Variants in PHKA2 observed in about 807,000 individuals in gnomAD.
PHKA2 encodes the protein phosphorylase b kinase regulatory subunit alpha, liver isoform.
PHKA2 carries 31 observed loss-of-function variants against 102.0 expected under a neutral mutation model. That is an observed-to-expected ratio of 0.30 (90% CI 0.23 to 0.41). PHKA2 has a LOEUF of 0.41. Among genes scored for constraint, PHKA2 ranks in the 10% least tolerant of loss-of-function variants. PHKA2 has a pLI of 1.00. For missense variants in PHKA2, 858 were observed against 1,023.1 expected (o/e 0.84, Z 2.20); for synonymous variants, 455 against 416.2 (o/e 1.09, Z -1.13).
At chrX:18,924,175 CT>C (rs2048172239) in intron 16 of PHKA2, 41 bp from the exon 17 acceptor site, 34 of 1,059,222 alleles carry the variant, frequency 3.2e-5, no homozygotes, top group Non-Finnish European at 4.4e-5. Flanking sequence ...TCTGGGCAGA[CT>C]TTTTTTCCGT....
At chrX:18,922,012 T>C (rs1280333998) in intron 17 of PHKA2, among the ~76,000 whole-genome samples, 1 of 112,431 alleles carries the variant, frequency 8.9e-6, no homozygotes, top group Non-Finnish European at 1.9e-5. Context: ...TTTGGGAGGC[T>C]GAGGCAGGTG....
intron 5 of PHKA2, among the ~76,000 whole-genome samples, chrX:18,948,073 G>A (rs1171382428): frequency 1.8e-5 from 2 of 111,489 alleles, no homozygotes; most frequent in Non-Finnish European, 3.8e-5. Context: ...GGTGATGGGT[G>A]CACCAAAATC....
At chrX:18,943,120 G>C (rs911949642) in intron 7 of PHKA2, among the ~76,000 whole-genome samples, 1 of 111,545 alleles carries the variant, frequency 9.0e-6, no homozygotes, top group Non-Finnish European at 1.9e-5. Flanking sequence ...CAACGTACTT[G>C]GCACACAGCG....
intron 23 of PHKA2, 27 bp from the exon 24 acceptor site, chrX:18,906,841 G>A: frequency 1.7e-6 from 2 of 1,151,562 alleles, no homozygotes; most frequent in Admixed American, 2.2e-5. Context: ...TGTCACGAAT[G>A]TGATGAGGTG....
In PHKA2 at chrX:18,894,411, A is replaced by C. The variant is rs1389288272; in HGVS notation, c.3337-7T>G. 8.3e-7 allele frequency: 1 copy of C among 1,203,090 alleles called. No individual in the cohort carries two copies. The highest frequency in any genetic ancestry group is 1.7e-5 in the African/African-American group (1 of 57,794). ...TGATCTCATGCGGGGTCATCTACCAAAGGGACAGGCAGGCAACCACCAGTG... is the reference window on the plus strand; with the variant it reads ...TGATCTCATGCGGGGTCATCTACCACAGGGACAGGCAGGCAACCACCAGTG... On this transcript the variant is annotated splice_region_variant and splice_polypyrimidine_tract_variant and intron_variant, in intron 31 of 32. Coordinates refer to ENST00000379942, the MANE Select transcript of PHKA2 (RefSeq NM_000292.3).
At chrX:18,923,885 G>A (rs2048166424) in intron 17 of PHKA2, among the ~76,000 whole-genome samples, 171 bp downstream of exon 17, 2 of 111,912 alleles carry the variant, frequency 1.8e-5, no homozygotes, top group South Asian at 3.7e-4. Flanking sequence ...TTTCAGAGAT[G>A]AGCCAAGTTT....
At chrX:18,928,623 G>C (rs113681501) in intron 13 of PHKA2, among the ~76,000 whole-genome samples, 1 of 112,100 alleles carries the variant, frequency 8.9e-6, no homozygotes, top group Non-Finnish European at 1.9e-5. Flanking sequence ...GCTCCACCCG[G>C]GTGCACACCA....
intron 19 of PHKA2, among the ~76,000 whole-genome samples, chrX:18,912,282 T>C (rs2047939670): frequency 8.9e-6 from 1 of 111,911 alleles, no homozygotes; most frequent in Non-Finnish European, 1.9e-5. Flanking sequence ...TTAGGCAAAT[T>C]CCTCACTGCA....
intron 1 of PHKA2, among the ~76,000 whole-genome samples, chrX:18,958,775 T>C (rs1376248028): frequency 1.8e-5 from 2 of 110,249 alleles, no homozygotes; most frequent in Non-Finnish European, 3.8e-5. Flanking sequence ...AGTGGTGCAA[T>C]CTCGGCTCAC....
At chrX:18,914,502 C>T (rs978851018) in intron 19 of PHKA2, among the ~76,000 whole-genome samples, 5 of 111,534 alleles carry the variant, frequency 4.5e-5, no homozygotes, top group African/African-American at 1.3e-4. Context: ...CTATGTGCTT[C>T]TGGAACTGGG....
chrX:18,982,789 G>A (rs755807840), intron 1 of PHKA2, among the ~76,000 whole-genome samples: 5 of 111,883 alleles, frequency 4.5e-5, no homozygotes, highest in African/African-American at 1.6e-4. Flanking sequence ...AGCCGAGATC[G>A]CGCCACTGCA....
At chrX:18,919,746 AAGAG>A (rs58839160) in intron 18 of PHKA2, among the ~76,000 whole-genome samples, 52 of 103,245 alleles carry the variant, frequency 5.0e-4, no homozygotes, top group Non-Finnish European at 6.0e-4. Context: ...AAAAAAAAAA[AAGAG>A]AGAGAGAGAA....
In PHKA2 at chrX:18,941,514, A is replaced by G; in HGVS notation, c.864+15T>C. 1.7e-6 allele frequency: 2 copies of G among 1,205,093 alleles called. No homozygotes were observed. The highest frequency in any genetic ancestry group is 3.0e-5 in the East Asian group (1 of 33,857). Reference sequence around the variant, plus strand: ...TCACACAGGACAGAAGGGCACCAGCATGACTAATGCTTACCTGGAGCTTAG... The same window carrying G: ...TCACACAGGACAGAAGGGCACCAGCGTGACTAATGCTTACCTGGAGCTTAG... On this transcript the variant is annotated intron_variant, in intron 8 of 32. Transcript: ENST00000379942.
intron 17 of PHKA2, among the ~76,000 whole-genome samples, chrX:18,923,572 G>A (rs1002350512): frequency 9.0e-5 from 10 of 111,520 alleles, no homozygotes; most frequent in Non-Finnish European, 1.7e-4. Context: ...AGAAGGTGAG[G>A]GGCCAGTGAC....
At position 18,894,854 on chromosome X, in the gene PHKA2, T is replaced by C. The variant is rs758231716; in HGVS notation, c.3336+284A>G. ...GGGGCAGGCCAGGGTGGCATGGAGA[T>C]TGGCTCCTTTCTTTCACCAGGGTTC... On this transcript the variant is annotated intron_variant, in intron 31 of 32. Transcript: ENST00000379942. The C allele has an allele frequency of 7.2e-6, 3 of 416,851 alleles. No individual in the cohort carries two copies. The African/African-American group carries it at 7.4e-5, about 10-fold the overall frequency. The allele number at this position is 416,851 out of a possible 1,213,427, so 34.4% of individuals were successfully genotyped here.
Position 18,941,593 on chromosome X carries a change from G to T in PHKA2, c.800C>A (p.Ala267Asp). 1 of 1,190,672 alleles carries T rather than the reference G, an allele frequency of 8.4e-7. No individual in the cohort carries two copies. The highest frequency in any genetic ancestry group is 1.1e-6 in the Non-Finnish European group (1 of 876,080). The change falls in exon 8 of 33, where the codon GCC becomes GAC. Residue 267 changes from alanine (A) to aspartate (D), a missense_variant. Ala to Asp is a moderately radical substitution (Grantham distance 126). Around this residue, in one of 2 missense-constraint regions of PHKA2, gnomAD observed 187 missense variants for 277.9 expected, o/e 0.67. Coordinates refer to ENST00000379942, the MANE Select transcript of PHKA2 (RefSeq NM_000292.3). Reference sequence around the variant, plus strand: ...AAGGTTTACATCTTCCACTGCAAAGGCCGGGAAGGAAATAATGGAAAGAAG... The same window carrying T: ...AAGGTTTACATCTTCCACTGCAAAGTCCGGGAAGGAAATAATGGAAAGAAG... ...AGLLSIISFP[A>D]FAVEDVNLVN...
At chrX:18,914,328 A>G (rs981013691) in intron 19 of PHKA2, among the ~76,000 whole-genome samples, 17 of 112,654 alleles carry the variant, frequency 1.5e-4, no homozygotes, top group Admixed American at 1.9e-4. Flanking sequence ...GAAAAACAAG[A>G]AAGAAGACGA....
chrX:18,954,064 T>C (rs897681705), intron 2 of PHKA2, among the ~76,000 whole-genome samples, 190 bp downstream of exon 2: 6 of 111,663 alleles, frequency 5.4e-5, no homozygotes, highest in Admixed American at 2.9e-4. Flanking sequence ...TGTGGGAATC[T>C]CCAAACTCAA....
chrX:18,940,194 A>G (rs957873550), intron 8 of PHKA2, 146 bp from the exon 9 acceptor site: 5 of 486,130 alleles, frequency 1.0e-5, no homozygotes, highest in East Asian at 3.7e-5. Context: ...TTATTAATAT[A>G]TTTAAGTAAT....
Sources: gnomAD v4.1 joint callset for allele counts (sites outside exome capture counted in the v4.1 genomes callset) on GRCh38, gnomAD v4.1.1 for gene constraint, gnomAD v4.1.1 regional missense constraint, MANE v1.5 for transcripts, NCBI Gene and HGNC (gene_info 2026-07-23, HGNC 2026-07-21) for gene names.